PSG2: variants seen among roughly 807,000 people sequenced by gnomAD.
The protein encoded by PSG2 is pregnancy specific beta-1-glycoprotein 2, also known as pregnancy-specific beta-1-glycoprotein 2.
A neutral mutation model predicts 36.2 loss-of-function variants in PSG2; 49 were observed. The ratio of observed to expected loss-of-function variants is 1.35; its 90% confidence interval spans 1.08 to 1.72. The LOEUF (loss-of-function observed/expected upper bound fraction) is 1.72, where lower values mean the gene tolerates loss of function less well. Ranked by LOEUF, PSG2 falls within the 40% of genes most tolerant of loss-of-function variation. The pLI is 0.00. For missense variants in PSG2, 605 were observed against 407.2 expected (o/e 1.49, Z -4.18); for synonymous variants, 261 against 155.6 (o/e 1.68, Z -5.04).
At chr19:43,076,478 A>T (rs1967897726) in intron 2 of PSG2, among the ~76,000 whole-genome samples, 1 of 151,778 alleles carries the variant, frequency 6.6e-6, no homozygotes, top group Non-Finnish European at 1.5e-5. Flanking sequence ...GGTGAACATG[A>T]ACTGATGATG....
In PSG2 at chr19:43,071,572, G is replaced by C. The variant is rs1254971852; in HGVS notation, c.964+128C>G. 9.3e-6 allele frequency: 15 copies of C among 1,605,288 alleles called. 1 individual carries two copies. The highest frequency in any genetic ancestry group is 1.3e-5 in the Non-Finnish European group (15 of 1,174,666). On this transcript the variant is annotated intron_variant, in intron 4 of 5. Transcript: ENST00000406487. ...GAGACAAATTGGGAGGGTTCAGGAG[G>C]AGAATTTGGGATTTGCTTTTGCCCA... is the stretch of plus-strand genomic sequence containing the variant.
chr19:43,075,217 C>A lies in PSG2; in HGVS notation c.709+137G>T. 9 of 1,573,286 alleles carry A rather than the reference C, an allele frequency of 5.7e-6. 1 individual carries two copies. In the South Asian group the frequency reaches 9.1e-5, roughly 16 times the overall value. On this transcript the variant is annotated intron_variant, in intron 3 of 5. Coordinates refer to ENST00000406487, the MANE Select transcript of PSG2 (RefSeq NM_031246.4). ...TAGGCCTATTCTGGTTTGCCTGGGG[C>A]AGAAAGTCATGGCCAGCTTTGATGC...
At chr19:43,079,016 C>T (rs1967934718) in intron 2 of PSG2, among the ~76,000 whole-genome samples, 1 of 151,680 alleles carries the variant, frequency 6.6e-6, no homozygotes, top group Non-Finnish European at 1.5e-5. Flanking sequence ...CTGCACCTTT[C>T]CTATTTCCTG....
chr19:43,072,378 T>C, intron 3 of PSG2: 1 of 1,612,730 alleles, frequency 6.2e-7, no homozygotes, highest in South Asian at 1.1e-5. Flanking sequence ...ACTGGGTCAC[T>C]GTGGATGCCA....
chr19:43,080,288 G>A (rs1472049058), intron 2 of PSG2, among the ~76,000 whole-genome samples: 1 of 151,646 alleles, frequency 6.6e-6, no homozygotes, highest in Non-Finnish European at 1.5e-5. Context: ...TGCCTCTCCT[G>A]TTTTGACCTC....
rs982827721 is a variant in PSG2 at position 43,077,665 on chromosome 19, G to A, written c.431-2033C>T. Among the ~76,000 whole-genome samples the A allele has an allele frequency of 2.0e-5, 3 of 151,682 alleles. 1 individual carries two copies. The highest frequency in any genetic ancestry group is 6.6e-5 in the Admixed American group (1 of 15,240). On this transcript the variant is annotated intron_variant, in intron 2 of 5. Transcript: ENST00000406487. ...GCACCCACCTGGTCACCTCCAACTG[G>A]TCCTCAAAACCACCAGTATTCCTAT... is the stretch of plus-strand genomic sequence containing the variant.
At position 43,072,035 on chromosome 19, in the gene PSG2, C is replaced by A. The variant is rs1196021481; in HGVS notation, c.710-81G>T. Reference sequence around the variant, plus strand: ...CTGGTCTCTTAAAGGGACACAGTGACCCTCTGAGACAAGACACATCCTCAA... The same window carrying A: ...CTGGTCTCTTAAAGGGACACAGTGAACCTCTGAGACAAGACACATCCTCAA... On this transcript the variant is annotated intron_variant, in intron 3 of 5. Transcript: ENST00000406487. 2.3e-5 allele frequency: 35 copies of A among 1,535,054 alleles called. 1 individual carries two copies. The Middle Eastern group carries it at 1.0e-3, about 46-fold the overall frequency.
chr19:43,071,576 A>T, intron 4 of PSG2, 124 bp downstream of exon 4: 1 of 1,606,682 alleles, frequency 6.2e-7, no homozygotes, highest in African/African-American at 1.3e-5. Context: ...CAGGAGGAGA[A>T]TTTGGGATTT....
chr19:43,082,203 C>G, intron 1 of PSG2: 1 of 271,446 alleles, frequency 3.7e-6, no homozygotes, highest in Non-Finnish European at 7.0e-6. Flanking sequence ...TGCAGTGGCG[C>G]TATCTCGGCA....
rs529881961 is a variant in PSG2, at chr19:43,071,551, C to T, written c.964+149G>A. 2.5e-6 allele frequency: 4 copies of T among 1,590,534 alleles called. No homozygotes were observed. The South Asian group carries it at 3.3e-5, about 13-fold the overall frequency. ...ACAAGGAGAAGAGAGTTTGTAGAGA[C>T]AAATTGGGAGGGTTCAGGAGGAGAA... On this transcript the variant is annotated intron_variant, in intron 4 of 5. Coordinates refer to ENST00000406487, the MANE Select transcript of PSG2 (RefSeq NM_031246.4).
chr19:43,082,539 C>G lies in PSG2; in HGVS notation c.31G>C (p.Glu11Gln), dbSNP rs145433031. 704 of 1,612,170 alleles carry G rather than the reference C, an allele frequency of 4.4e-4. 7 individuals carry two copies. The highest frequency in any genetic ancestry group is 1.3e-3 in the Admixed American group (80 of 59,912). ...AGGAGCCCCTTCCATTTGATGTGCTCTGTGCAGGGAGGGGCTGAGAGGGGC... is the reference window on the plus strand; with the variant it reads ...AGGAGCCCCTTCCATTTGATGTGCTGTGTGCAGGGAGGGGCTGAGAGGGGC... MGPLSAPPCT[E>Q]HIKWKGLLVT... is the part of the protein sequence containing the mutation. Residue 11 changes from glutamate (E) to glutamine (Q), a missense_variant, in exon 1 of 6, where the codon GAG becomes CAG. By Grantham distance (29) the Glu-to-Gln change is conservative. Coordinates refer to ENST00000406487, the MANE Select transcript of PSG2 (RefSeq NM_031246.4).
At chr19:43,065,599 T>C (rs1281652014) in intron 5 of PSG2, 2 of 151,754 alleles carry the variant, frequency 1.3e-5, no homozygotes, top group Non-Finnish European at 2.9e-5. Flanking sequence ...ATTTCTCTGA[T>C]TTCTTGTGGC....
intron 3 of PSG2, 55 bp downstream of exon 3, chr19:43,075,299 G>A (rs1286910743): frequency 6.2e-7 from 1 of 1,612,980 alleles, no homozygotes; most frequent in Non-Finnish European, 8.5e-7. Flanking sequence ...CCTGGCCTCT[G>A]GCCATGTGTA....
chr19:43,065,688 G>C (rs1324694324), intron 5 of PSG2: 1 of 151,644 alleles, frequency 6.6e-6, no homozygotes, highest in Non-Finnish European at 1.5e-5. Flanking sequence ...TCCTGGGGTA[G>C]GGACCTTGCC....
chr19:43,075,586 C>T lies in PSG2; in HGVS notation c.477G>A (p.Arg159=). 1 of 1,613,198 alleles carries T rather than the reference C, an allele frequency of 6.2e-7. No individual in the cohort carries two copies. Among genetic ancestry groups the T allele is most frequent in the Non-Finnish European group, 8.5e-7 (1 of 1,179,764 alleles). Residue 159 remains arginine, a synonymous_variant, in exon 3 of 6, where the codon AGG becomes AGA. Coordinates refer to ENST00000406487, the MANE Select transcript of PSG2 (RefSeq NM_031246.4). ...PSISSSNLNP[R]EAMETVILTC... ...TTAAGATCACAGTTTCCATGGCCTC[C>T]CTGGGGTTTAAGTTGCTGCTGGAGA...
chr19:43,068,484 A>C lies in PSG2; in HGVS notation c.965-1884T>G, dbSNP rs537080736. On this transcript the variant is annotated intron_variant, in intron 4 of 5. Coordinates refer to ENST00000406487, the MANE Select transcript of PSG2 (RefSeq NM_031246.4). ...AAAAAAAAAAAGAAAGAAAGAAAGA[A>C]AGAAAGAAAAATGAAGCGATTACTA... Among the ~76,000 whole-genome samples, 74 of 151,184 alleles carry C rather than the reference A, an allele frequency of 4.9e-4. 4 individuals are homozygous for C. Among genetic ancestry groups the C allele is most frequent in the African/African-American group, 1.8e-3 (72 of 40,964 alleles).
chr19:43,068,807 T>G (rs914219801), intron 4 of PSG2, among the ~76,000 whole-genome samples: 4 of 151,690 alleles, frequency 2.6e-5, no homozygotes, highest in African/African-American at 9.7e-5. Flanking sequence ...TGAGCAGGAA[T>G]AAGACAAGGA....
intron 2 of PSG2, among the ~76,000 whole-genome samples, chr19:43,080,118 G>A (rs118136898): frequency 0.02 from 3,066 of 151,876 alleles, 137 homozygotes; most frequent in East Asian, 0.092. Flanking sequence ...CCATGAGAAA[G>A]CACCGTTACA....
chr19:43,065,079 C>T (rs1406937532), intron 5 of PSG2, among the ~76,000 whole-genome samples: 1 of 151,734 alleles, frequency 6.6e-6, no homozygotes, highest in African/African-American at 2.4e-5. Flanking sequence ...TCGTGATCTA[C>T]CCACCTCGGC....
Sources: allele counts gnomAD v4.1 joint callset (sites outside exome capture counted in the v4.1 genomes callset), GRCh38; gene constraint gnomAD v4.1.1; transcripts MANE v1.5; gene names NCBI Gene and HGNC (gene_info 2026-07-23, HGNC 2026-07-21).